Variants in CSMD1 observed in about 807,000 individuals in gnomAD.
CSMD1 encodes CUB and sushi domain-containing protein 1.
CSMD1 carries 213 observed loss-of-function variants against 417.5 expected under a neutral mutation model. The ratio of observed to expected loss-of-function variants is 0.51; its 90% CI spans 0.46 to 0.57. CSMD1 has a LOEUF of 0.57. Among genes scored for constraint, CSMD1 ranks in the 20% least tolerant of loss-of-function variants. The pLI is 0.00. For synonymous variants in CSMD1, 2,862 were observed against 1,736.8 expected (o/e 1.65, Z -16.11); for missense variants, 6,923 against 4,529.7 (o/e 1.53, Z -15.17).
intron 2 of CSMD1, among the ~76,000 whole-genome samples, chr8:4,553,383 C>T (rs997571237): frequency 6.6e-6 from 1 of 150,864 alleles, no homozygotes; most frequent in African/African-American, 2.4e-5. Flanking sequence ...TATAAGGCTT[C>T]ATTTTGTATT....
intron 3 of CSMD1, among the ~76,000 whole-genome samples, chr8:4,141,828 C>A (rs1006469992): frequency 6.6e-6 from 1 of 150,984 alleles, no homozygotes; most frequent in East Asian, 1.9e-4. Context: ...ACATATAATT[C>A]ATCATTTATC....
At chr8:4,698,081 T>C (rs1410384441) in intron 1 of CSMD1, among the ~76,000 whole-genome samples, 5 of 151,578 alleles carry the variant, frequency 3.3e-5, no homozygotes, top group South Asian at 2.1e-4. Context: ...TTCCCAAACA[T>C]GTCAAATATA....
intron 10 of CSMD1, among the ~76,000 whole-genome samples, chr8:3,570,892 C>G (rs1403353131): frequency 4.6e-5 from 7 of 152,156 alleles, no homozygotes; most frequent in African/African-American, 1.2e-4. Flanking sequence ...GAACTCTAAG[C>G]TTCTTTTTAG....
intron 1 of CSMD1, among the ~76,000 whole-genome samples, chr8:4,889,210 G>T (rs1183572778): frequency 6.6e-6 from 1 of 152,110 alleles, no homozygotes; most frequent in African/African-American, 2.4e-5. Flanking sequence ...AAGTGTCAAA[G>T]CTGGTATCAG....
At chr8:3,644,413 AC>A (rs1797471868) in intron 7 of CSMD1, among the ~76,000 whole-genome samples, 1 of 152,224 alleles carries the variant, frequency 6.6e-6, no homozygotes, top group African/African-American at 2.4e-5. Context: ...CCTCGCATTT[AC>A]AGTTTCCTCA....
intron 3 of CSMD1, among the ~76,000 whole-genome samples, chr8:4,272,783 G>T (rs370293723): frequency 2.6e-5 from 4 of 152,270 alleles, no homozygotes; most frequent in African/African-American, 9.6e-5. Flanking sequence ...AGGTTAGTAT[G>T]AGATGACCTT....
At chr8:4,609,231 A>C (rs185956731) in intron 2 of CSMD1, among the ~76,000 whole-genome samples, 1 of 152,198 alleles carries the variant, frequency 6.6e-6, no homozygotes, top group Admixed American at 6.5e-5. Context: ...GAAACCCTGT[A>C]TCTACAAAAA....
At chr8:4,946,616 G>A (rs1808386747) in intron 1 of CSMD1, among the ~76,000 whole-genome samples, 1 of 152,132 alleles carries the variant, frequency 6.6e-6, no homozygotes, top group Non-Finnish European at 1.5e-5. Flanking sequence ...AAGGAAGGAG[G>A]TACTAAATTT....
chr8:3,480,820 C>A (rs1817697397), intron 11 of CSMD1, among the ~76,000 whole-genome samples: 2 of 151,964 alleles, frequency 1.3e-5, no homozygotes, highest in Non-Finnish European at 2.9e-5. Flanking sequence ...ATAAAGGGAA[C>A]TTAAAAAAAT....
At chr8:4,522,765 G>A (rs1803537664) in intron 2 of CSMD1, among the ~76,000 whole-genome samples, 1 of 152,102 alleles carries the variant, frequency 6.6e-6, no homozygotes, top group South Asian at 2.1e-4. Context: ...CATCCTTCAT[G>A]AAGGAGTCCT....
intron 7 of CSMD1, among the ~76,000 whole-genome samples, chr8:3,681,093 G>A (rs1799637747): frequency 6.6e-6 from 1 of 152,092 alleles, no homozygotes; most frequent in Non-Finnish European, 1.5e-5. Context: ...TACTGAATGG[G>A]CAAAAACTGG....
chr8:3,661,781 G>C (rs1339721311), intron 7 of CSMD1, among the ~76,000 whole-genome samples: 4 of 152,030 alleles, frequency 2.6e-5, no homozygotes, highest in Non-Finnish European at 5.9e-5. Context: ...ACAGGCCTGA[G>C]CCACCATGAC....
intron 3 of CSMD1, among the ~76,000 whole-genome samples, chr8:4,217,660 A>G (rs544996633): frequency 6.7e-6 from 1 of 149,876 alleles, no homozygotes; most frequent in Non-Finnish European, 1.5e-5. Context: ...CCTCATCAGA[A>G]AAAAAAAAAA....
chr8:4,103,054 T>C (rs1288551367), intron 3 of CSMD1, among the ~76,000 whole-genome samples: 1 of 152,230 alleles, frequency 6.6e-6, no homozygotes, highest in Non-Finnish European at 1.5e-5. Flanking sequence ...CAGAGAATTA[T>C]GTTACATGGT....
intron 6 of CSMD1, among the ~76,000 whole-genome samples, chr8:3,710,897 A>G (rs1243790877): frequency 6.6e-6 from 1 of 152,070 alleles, no homozygotes; most frequent in Non-Finnish European, 1.5e-5. Flanking sequence ...GGGAGCATGG[A>G]GACAGGAGGG....
chr8:4,656,076 A>G (rs1804211429), intron 1 of CSMD1, among the ~76,000 whole-genome samples: 1 of 152,100 alleles, frequency 6.6e-6, no homozygotes, highest in Admixed American at 6.5e-5. Context: ...GGGCACAGTA[A>G]TGGGAAAGAC....
At chr8:4,385,390 T>C (rs183659920) in intron 3 of CSMD1, among the ~76,000 whole-genome samples, 172 of 152,360 alleles carry the variant, frequency 1.1e-3, no homozygotes, top group African/African-American at 4.0e-3. Flanking sequence ...ACATTTGTTC[T>C]GAAGGGCAAA....
chr8:4,236,736 C>A (rs1291238086), intron 3 of CSMD1, among the ~76,000 whole-genome samples: 1 of 152,176 alleles, frequency 6.6e-6, no homozygotes, highest in Non-Finnish European at 1.5e-5. Context: ...CCTTCGAAGA[C>A]TGCTGGATTA....
chr8:3,699,701 C>T (rs1326562549), intron 7 of CSMD1, among the ~76,000 whole-genome samples: 1 of 152,130 alleles, frequency 6.6e-6, no homozygotes, highest in Non-Finnish European at 1.5e-5. Flanking sequence ...CTATAATTTC[C>T]CCTGGAGAAG....
Sources: gnomAD v4.1 joint callset for allele counts (sites outside exome capture counted in the v4.1 genomes callset) on GRCh38, gnomAD v4.1.1 for gene constraint, MANE v1.5 for transcripts, NCBI Gene and HGNC (gene_info 2026-07-23, HGNC 2026-07-21) for gene names.